The following ADARB2 variants were observed in gnomAD, a reference collection of about 807,000 sequenced individuals.
ADARB2 encodes the protein inactive double-stranded RNA-specific editase B2.
In ADARB2, 25 loss-of-function variants were observed where a neutral mutation model predicts 62.2. The observed-to-expected ratio is 0.40, with a 90% CI of 0.29 to 0.56. ADARB2 has a LOEUF of 0.56. Among genes scored for constraint, ADARB2 ranks in the 20% least tolerant of loss-of-function variants. The pLI is 0.43. For missense variants in ADARB2, 1,071 were observed against 1,077.4 expected (o/e 0.99, Z 0.08); for synonymous variants, 572 against 500.8 (o/e 1.14, Z -1.90).
At chr10:1,413,773 G>C (rs952611336) in intron 1 of ADARB2, among the ~76,000 whole-genome samples, 1 of 152,110 alleles carries the variant, frequency 6.6e-6, no homozygotes, top group Non-Finnish European at 1.5e-5. Context: ...CAAATTCATC[G>C]TTTTAATTTT....
At chr10:1,405,487 AG>A (rs1396754097) in intron 1 of ADARB2, among the ~76,000 whole-genome samples, 3 of 152,036 alleles carry the variant, frequency 2.0e-5, no homozygotes, top group Admixed American at 2.0e-4. Flanking sequence ...AAAATTAGCC[AG>A]AGGTGATGGT....
At chr10:1,735,547 T>C (rs2119053257) in intron 1 of ADARB2, among the ~76,000 whole-genome samples, 1 of 152,382 alleles carries the variant, frequency 6.6e-6, no homozygotes, top group South Asian at 2.1e-4. Flanking sequence ...CTTTTTCCTC[T>C]TTTAAAAGTC....
intron 6 of ADARB2, among the ~76,000 whole-genome samples, chr10:1,218,333 G>A (rs1830650091): frequency 1.3e-5 from 2 of 152,180 alleles, no homozygotes; most frequent in Admixed American, 6.5e-5. Context: ...TTACAGGCCT[G>A]AGCCACTGCA....
At chr10:1,730,906 C>T (rs752167157) in intron 1 of ADARB2, among the ~76,000 whole-genome samples, 6 of 152,174 alleles carry the variant, frequency 3.9e-5, no homozygotes, top group Non-Finnish European at 5.9e-5. Context: ...TAGATACTAA[C>T]TGTATTCATT....
chr10:1,697,222 C>T (rs1000530452), intron 1 of ADARB2, among the ~76,000 whole-genome samples: 5 of 152,156 alleles, frequency 3.3e-5, no homozygotes, highest in Middle Eastern at 3.2e-3. Context: ...CACACACATT[C>T]CCCACAGCCC....
intron 4 of ADARB2, among the ~76,000 whole-genome samples, chr10:1,252,544 G>T (rs1425432379): frequency 6.6e-6 from 1 of 152,176 alleles, no homozygotes; most frequent in Non-Finnish European, 1.5e-5. Flanking sequence ...CAGTCTCCTT[G>T]TGGTTGGTAT....
chr10:1,591,461 T>C (rs931005404), intron 1 of ADARB2, among the ~76,000 whole-genome samples: 4 of 152,152 alleles, frequency 2.6e-5, no homozygotes, highest in African/African-American at 9.6e-5. Context: ...ATCGAGACAG[T>C]GGGGCTGCAT....
chr10:1,401,458 T>C (rs1294118315), intron 1 of ADARB2, among the ~76,000 whole-genome samples: 1 of 152,174 alleles, frequency 6.6e-6, no homozygotes, highest in Admixed American at 6.5e-5. Context: ...GGACTGACCA[T>C]GGAGGGCAGG....
chr10:1,591,775 C>G (rs924062423), intron 1 of ADARB2, among the ~76,000 whole-genome samples: 1 of 152,156 alleles, frequency 6.6e-6, no homozygotes, highest in African/African-American at 2.4e-5. Flanking sequence ...CTTATGCCTC[C>G]CATGGAAAAC....
intron 1 of ADARB2, among the ~76,000 whole-genome samples, chr10:1,551,096 C>A (rs892361160): frequency 2.6e-5 from 4 of 152,160 alleles, no homozygotes; most frequent in Admixed American, 6.5e-5. Flanking sequence ...TATGACTGGA[C>A]CCTGGTCCAA....
chr10:1,548,371 G>T (rs1184555424), intron 1 of ADARB2, among the ~76,000 whole-genome samples: 1 of 152,336 alleles, frequency 6.6e-6, no homozygotes, highest in South Asian at 2.1e-4. Flanking sequence ...CTGCTGGTGC[G>T]CCAGCCCTAC....
chr10:1,309,372 T>C (rs1482409423), intron 3 of ADARB2, among the ~76,000 whole-genome samples: 4 of 152,166 alleles, frequency 2.6e-5, no homozygotes, highest in African/African-American at 7.2e-5. Context: ...GGCCTTGTCA[T>C]TGTGGAAAGT....
intron 3 of ADARB2, among the ~76,000 whole-genome samples, chr10:1,356,154 A>G (rs1424165962): frequency 1.3e-5 from 2 of 152,168 alleles, no homozygotes; most frequent in African/African-American, 2.4e-5. Context: ...GAAGAAAGCC[A>G]GAAGGTTTGG....
Position 1,363,603 on chromosome 10 carries a change from C to G in ADARB2, c.502G>C (p.Glu168Gln). The G allele has an allele frequency of 6.2e-7, 1 of 1,601,074 alleles. No individual in the cohort carries two copies. Among genetic ancestry groups the G allele is most frequent in the Non-Finnish European group, 8.5e-7 (1 of 1,174,012 alleles). ...VAVEVNGLTF[E>Q]GTGPTKKKAK... Reference sequence around the variant, plus strand: ...TTCTTCTTGGTGGGGCCTGTGCCCTCGAACGTGAGCCCGTTCACCTCCACC... The same window carrying G: ...TTCTTCTTGGTGGGGCCTGTGCCCTGGAACGTGAGCCCGTTCACCTCCACC... Residue 168 changes from glutamate (E) to glutamine (Q), a missense_variant, in exon 3 of 10, where the codon GAG becomes CAG. Transcript: ENST00000381312.
Position 1,654,939 on chromosome 10 carries a change from C to T in ADARB2, c.100+82112G>A, listed in dbSNP as rs116085133. 8.7e-3 allele frequency among the ~76,000 whole-genome samples: 1,332 copies of T among 152,276 alleles called. 16 individuals are homozygous for T. Among genetic ancestry groups the T allele is most frequent in the East Asian group, 0.045 (232 of 5,168 alleles). Reference sequence around the variant, plus strand: ...TTGTGTGAAGGTGCTGGCCAGCCCACGAGAGCTGGAATGCCAGAGTCACAT... The same window carrying T: ...TTGTGTGAAGGTGCTGGCCAGCCCATGAGAGCTGGAATGCCAGAGTCACAT... On this transcript the variant is annotated intron_variant, in intron 1 of 9. Coordinates refer to ENST00000381312, the MANE Select transcript of ADARB2 (RefSeq NM_018702.4).
chr10:1,323,382 A>C (rs984599459), intron 3 of ADARB2, among the ~76,000 whole-genome samples: 2 of 152,202 alleles, frequency 1.3e-5, no homozygotes, highest in Non-Finnish European at 2.9e-5. Context: ...GAAATAGAAG[A>C]AATGTCAATT....
chr10:1,270,989 G>A lies in ADARB2; in HGVS notation c.1158C>T (p.Arg386=). 1 of 1,613,520 alleles carries A rather than the reference G, an allele frequency of 6.2e-7. No individual in the cohort carries two copies. Among genetic ancestry groups the A allele is most frequent in the Non-Finnish European group, 8.5e-7 (1 of 1,179,740 alleles). ...VTTDLTPMHA[R]HKALAGIVMT... is the part of the protein sequence containing the mutation. ...TGACGATTCCTGCCAGCGCTTTATG[G>A]CGGGCGTGCATGGGCGTGAGGTCCG... Residue 386 remains arginine, a synonymous_variant, in exon 4 of 10, where the codon CGC becomes CGT. Coordinates refer to ENST00000381312, the MANE Select transcript of ADARB2 (RefSeq NM_018702.4).
chr10:1,367,937 T>C (rs1275086369), intron 2 of ADARB2, among the ~76,000 whole-genome samples: 3 of 152,256 alleles, frequency 2.0e-5, no homozygotes, highest in Non-Finnish European at 2.9e-5. Flanking sequence ...TATAAGAGCC[T>C]CTTTCATAAT....
At chr10:1,371,844 G>A (rs1459661869) in intron 2 of ADARB2, among the ~76,000 whole-genome samples, 3 of 150,624 alleles carry the variant, frequency 2.0e-5, no homozygotes, top group African/African-American at 4.9e-5. Context: ...AAAAGGGGAT[G>A]CTTGTGCACT....
Sources: gnomAD v4.1 joint callset for allele counts (sites outside exome capture counted in the v4.1 genomes callset) on GRCh38, gnomAD v4.1.1 for gene constraint, MANE v1.5 for transcripts, NCBI Gene and HGNC (gene_info 2026-07-23, HGNC 2026-07-21) for gene names.